The following TMEM150C variants were observed in gnomAD, a reference collection of about 807,000 sequenced individuals.
TMEM150C encodes the protein transmembrane protein 150C, also known as tentonin 3.
Under a neutral mutation model 29.9 loss-of-function variants are expected in TMEM150C, and 10 were observed. The ratio of observed to expected loss-of-function variants is 0.33; its 90% CI spans 0.21 to 0.57. The LOEUF (loss-of-function observed/expected upper bound fraction) is 0.57, where lower values mean the gene tolerates loss of function less well. Among genes scored for constraint, TMEM150C ranks in the 20% least tolerant of loss-of-function variants. The pLI, the probability that TMEM150C is intolerant of heterozygous loss-of-function variation, is 0.88. For missense variants in TMEM150C, 251 were observed against 303.6 expected (o/e 0.83, Z 1.29); for synonymous variants, 101 against 112.5 (o/e 0.90, Z 0.64).
chr4:82,556,277 C>G (rs1382721852), intron 1 of TMEM150C, among the ~76,000 whole-genome samples: 1 of 152,212 alleles, frequency 6.6e-6, no homozygotes, highest in African/African-American at 2.4e-5. Context: ...CGTGCCCAGA[C>G]TCTCTAGTGC....
At chr4:82,492,898 A>ATATG (rs1367287202) in intron 6 of TMEM150C, among the ~76,000 whole-genome samples, 39 of 136,086 alleles carry the variant, frequency 2.9e-4, no homozygotes, top group African/African-American at 1.0e-3. Context: ...ATATATATAT[A>ATATG]TGTATTTGAG....
chr4:82,521,538 C>T (rs187094946), intron 1 of TMEM150C, among the ~76,000 whole-genome samples: 165 of 152,296 alleles, frequency 1.1e-3, no homozygotes, highest in Middle Eastern at 3.4e-3. Flanking sequence ...CCACACAGTA[C>T]GAGTGATTAA....
At chr4:82,506,708 A>G (rs753561760) in intron 1 of TMEM150C, among the ~76,000 whole-genome samples, 9 of 152,250 alleles carry the variant, frequency 5.9e-5, no homozygotes, top group Non-Finnish European at 1.3e-4. Context: ...GAACATTTTA[A>G]GCATACACAG....
In TMEM150C at chr4:82,549,714, T is replaced by A. The variant is rs564675160; in HGVS notation, c.-11+12192A>T. Among the ~76,000 whole-genome samples, 4 of 152,388 alleles carry A rather than the reference T, an allele frequency of 2.6e-5. No homozygotes were observed. In the East Asian group the frequency reaches 5.8e-4, roughly 22 times the overall value. ...TAAACTTTTTCACTTCTTTTTGTAA[T>A]CATCTCTTTATTGGAGATATATACA... On this transcript the variant is annotated intron_variant, in intron 1 of 7. Coordinates refer to ENST00000449862, the MANE Select transcript of TMEM150C (RefSeq NM_001080506.3).
At chr4:82,491,240 G>T in intron 6 of TMEM150C, 1 of 678,528 alleles carries the variant, frequency 1.5e-6, no homozygotes, top group East Asian at 2.7e-5. Context: ...TCTTAGTGGG[G>T]ACGTCCTCTT....
intron 6 of TMEM150C, chr4:82,494,957 A>G: frequency 1.6e-6 from 1 of 619,036 alleles, no homozygotes; most frequent in Non-Finnish European, 2.9e-6. Context: ...CCGAAAGTTT[A>G]GCATATTCTG....
intron 1 of TMEM150C, among the ~76,000 whole-genome samples, chr4:82,523,460 TG>T (rs1724553212): frequency 6.6e-6 from 1 of 152,042 alleles, no homozygotes; most frequent in South Asian, 2.1e-4. Context: ...TGGGGATATG[TG>T]GGGGTGGCCA....
chr4:82,504,587 A>G lies in TMEM150C; in HGVS notation c.71T>C (p.Leu24Ser). 1 of 1,612,588 alleles carries G rather than the reference A, an allele frequency of 6.2e-7. No homozygotes were observed. Among genetic ancestry groups the G allele is most frequent in the Non-Finnish European group, 8.5e-7 (1 of 1,178,928 alleles). The stretch of plus-strand genomic sequence containing the variant: ...ATGAGCAAATACTCACACTATCCAC[A>G]ATCCAGCTGAAGTAAACAAAGTAAA... ...LVFTLFTSAG[L>S]WIVYFIAVED... The change falls in exon 2 of 8, where the codon TTG becomes TCG. Residue 24 changes from leucine to serine, a missense_variant. Transcript: ENST00000449862.
At chr4:82,526,019 C>T (rs1246578126) in intron 1 of TMEM150C, among the ~76,000 whole-genome samples, 2 of 152,198 alleles carry the variant, frequency 1.3e-5, no homozygotes, top group Non-Finnish European at 2.9e-5. Flanking sequence ...ATCCTCCCAC[C>T]TCAGCCTCCA....
chr4:82,504,613 T>C lies in TMEM150C; in HGVS notation c.45A>G (p.Val15=). 2 of 1,613,680 alleles carry C rather than the reference T, an allele frequency of 1.2e-6. No homozygotes were observed. Among genetic ancestry groups the C allele is most frequent in the Non-Finnish European group, 8.5e-7 (1 of 1,179,740 alleles). ...KCSVWMFLPL[V]FTLFTSAGLW... is the part of the protein sequence containing the mutation. ...ATCCAGCTGAAGTAAACAAAGTAAA[T>C]ACAAGAGGTAGGAACATCCATACGC... Residue 15 remains valine (V), a synonymous_variant, in exon 2 of 8, where the codon GTA becomes GTG. Coordinates refer to ENST00000449862, the MANE Select transcript of TMEM150C (RefSeq NM_001080506.3).
At chr4:82,546,146 A>G (rs1725379018) in intron 1 of TMEM150C, among the ~76,000 whole-genome samples, 1 of 152,236 alleles carries the variant, frequency 6.6e-6, no homozygotes, top group Non-Finnish European at 1.5e-5. Flanking sequence ...TATTATTAAA[A>G]TGGCTGTTCT....
intron 1 of TMEM150C, among the ~76,000 whole-genome samples, chr4:82,531,025 C>T (rs1475187310): frequency 1.3e-5 from 2 of 152,146 alleles, no homozygotes; most frequent in Non-Finnish European, 2.9e-5. Context: ...GCCTCACCTC[C>T]AACACTGGGG....
chr4:82,552,641 T>A (rs892687997), intron 1 of TMEM150C, among the ~76,000 whole-genome samples: 6 of 152,080 alleles, frequency 3.9e-5, no homozygotes, highest in Non-Finnish European at 8.8e-5. Flanking sequence ...GGGAAGCTTT[T>A]AAAAAAAAGT....
At chr4:82,552,618 A>G (rs545151578) in intron 1 of TMEM150C, among the ~76,000 whole-genome samples, 9 of 152,284 alleles carry the variant, frequency 5.9e-5, no homozygotes, top group Admixed American at 2.0e-4. Flanking sequence ...AGTAGAGCAC[A>G]ATGAAATCAT....
intron 1 of TMEM150C, among the ~76,000 whole-genome samples, chr4:82,559,955 C>G (rs10024182): frequency 0.18 from 27,558 of 151,964 alleles, 2,778 homozygotes; most frequent in African/African-American, 0.25. Context: ...GGGTCACAGG[C>G]GAGACAAAGC....
chr4:82,525,821 C>T (rs572950855), intron 1 of TMEM150C, among the ~76,000 whole-genome samples: 42 of 152,260 alleles, frequency 2.8e-4, no homozygotes, highest in Middle Eastern at 6.8e-3. Context: ...ACCGTCCTTG[C>T]CCAAGGCCTG....
rs1020055924 is a variant in TMEM150C at position 82,483,383 on chromosome 4, A to G, written c.*2128T>C. On this transcript the variant is annotated 3_prime_UTR_variant, in exon 8 of 8. Transcript: ENST00000449862. Reference sequence around the variant, plus strand: ...AAAAATTTTAAAATATAAAAATGAAAAAAAGAAACCCAAAAGCAGTATTCA... The same window carrying G: ...AAAAATTTTAAAATATAAAAATGAAGAAAAGAAACCCAAAAGCAGTATTCA... 14 of 152,262 alleles carry G rather than the reference A, an allele frequency of 9.2e-5. No individual in the cohort carries two copies. The highest frequency in any genetic ancestry group is 2.0e-4 in the Admixed American group (3 of 15,292). The allele number at this position is 152,262 out of a possible 1,614,324, so 9.4% of individuals were successfully genotyped here.
chr4:82,500,723 C>G (rs1302288574), intron 5 of TMEM150C, among the ~76,000 whole-genome samples: 1 of 152,152 alleles, frequency 6.6e-6, no homozygotes. Flanking sequence ...GTGAGCTATA[C>G]AAACTGGGTT....
intron 1 of TMEM150C, among the ~76,000 whole-genome samples, chr4:82,518,341 T>A (rs1465406010): frequency 6.7e-6 from 1 of 149,650 alleles, no homozygotes; most frequent in African/African-American, 2.4e-5. Context: ...AAGAAAGTAG[T>A]GACCGGCATG....
Sources: allele counts gnomAD v4.1 joint callset (sites outside exome capture counted in the v4.1 genomes callset), GRCh38; gene constraint gnomAD v4.1.1; transcripts MANE v1.5; gene names NCBI Gene and HGNC (gene_info 2026-07-23, HGNC 2026-07-21).